Variants in DHRS7B observed in about 807,000 individuals in gnomAD.
The protein encoded by DHRS7B is dehydrogenase/reductase 7B, also known as peroxisomal reductase activating PPAR-gamma.
In DHRS7B, 24 loss-of-function variants were observed where a neutral mutation model predicts 26.4. The observed-to-expected ratio is 0.91, with a 90% CI of 0.66 to 1.28. The LOEUF (loss-of-function observed/expected upper bound fraction) is 1.28. DHRS7B is among the 50% of genes most tolerant of loss of function. The probability of loss-of-function intolerance (pLI) is 0.00; values close to 1 mark genes in which losing one functional copy is unlikely to be tolerated. For missense variants in DHRS7B, 368 were observed against 419.4 expected (o/e 0.88, Z 1.07); for synonymous variants, 142 against 166.4 (o/e 0.85, Z 1.13).
At chr17:21,181,122 G>A (rs558647090) in intron 3 of DHRS7B, among the ~76,000 whole-genome samples, 2 of 152,146 alleles carry the variant, frequency 1.3e-5, no homozygotes, top group South Asian at 2.1e-4. Flanking sequence ...AGTCTTGCTC[G>A]GTCATCTAGG....
At position 21,137,460 on chromosome 17, in the gene DHRS7B, AT is replaced by A. The variant is rs996135932; in HGVS notation, c.20+10483del. ...AGGCACCTGCCACCACGCCTGGCTA[AT>A]TTTTTTTTTTTTTGAGATGAAGTTT... On this transcript the variant is annotated intron_variant, in intron 1 of 6. Coordinates refer to ENST00000395511, the MANE Select transcript of DHRS7B (RefSeq NM_015510.5). 4.9e-3 allele frequency among the ~76,000 whole-genome samples: 646 copies of A among 132,674 alleles called. 2 individuals are homozygous for A. Among genetic ancestry groups the A allele is most frequent in the African/African-American group, 8.8e-3 (319 of 36,054 alleles). The allele number at this position is 132,674 out of a possible 152,430, so 87.0% of individuals were successfully genotyped here.
intron 1 of DHRS7B, among the ~76,000 whole-genome samples, chr17:21,145,495 A>T (rs1161395051): frequency 2.0e-5 from 3 of 152,182 alleles, no homozygotes; most frequent in Non-Finnish European, 4.4e-5. Context: ...TACTGTGTAG[A>T]AGCATCTCAA....
At chr17:21,150,105 TAAAA>T (rs61516968) in intron 1 of DHRS7B, among the ~76,000 whole-genome samples, 3 of 50,068 alleles carry the variant, frequency 6.0e-5, no homozygotes, top group African/African-American at 2.3e-4. Flanking sequence ...CATCTCTATT[TAAAA>T]AAAAAAAAAA....
At chr17:21,175,203 A>G (rs2144151463) in intron 2 of DHRS7B, among the ~76,000 whole-genome samples, 1 of 152,366 alleles carries the variant, frequency 6.6e-6, no homozygotes, top group South Asian at 2.1e-4. Flanking sequence ...GACAGACGTC[A>G]GGGAGCCTTC....
At chr17:21,156,059 AAAG>A (rs1973872210) in intron 1 of DHRS7B, among the ~76,000 whole-genome samples, 1 of 152,212 alleles carries the variant, frequency 6.6e-6, no homozygotes, top group East Asian at 1.9e-4. Flanking sequence ...GCAACTAGAA[AAAG>A]AAGAGAAAAT....
intron 1 of DHRS7B, chr17:21,166,129 C>T (rs1292806045): frequency 2.0e-6 from 2 of 985,120 alleles, no homozygotes; most frequent in Non-Finnish European, 1.2e-6. Context: ...TTTCTCCGCC[C>T]CCCCTCACAG....
chr17:21,139,463 C>T (rs1467983816), intron 1 of DHRS7B, among the ~76,000 whole-genome samples: 3 of 152,102 alleles, frequency 2.0e-5, no homozygotes, highest in African/African-American at 7.2e-5. Context: ...ATCACAAGGT[C>T]AGGAGTTTGA....
At chr17:21,181,023 G>A (rs1974504781) in intron 3 of DHRS7B, among the ~76,000 whole-genome samples, 1 of 152,208 alleles carries the variant, frequency 6.6e-6, no homozygotes, top group Admixed American at 6.5e-5. Context: ...TTATTGCCAA[G>A]TGTTTGTCTT....
chr17:21,168,945 A>C (rs1196969637), intron 1 of DHRS7B: 1 of 982,042 alleles, frequency 1.0e-6, no homozygotes, highest in Admixed American at 6.2e-5. Flanking sequence ...CTTGAGTTTT[A>C]ATTAGGTTGC....
At chr17:21,160,878 C>T (rs1973985038) in intron 1 of DHRS7B, among the ~76,000 whole-genome samples, 1 of 151,232 alleles carries the variant, frequency 6.6e-6, no homozygotes, top group South Asian at 2.1e-4. Flanking sequence ...TTATTCAGTA[C>T]TAAAAAAAAA....
chr17:21,169,800 G>A (rs182871675), intron 1 of DHRS7B, among the ~76,000 whole-genome samples: 72 of 152,164 alleles, frequency 4.7e-4, no homozygotes, highest in African/African-American at 1.6e-3. Context: ...CACCCAACAC[G>A]CCTAGTGGGG....
chr17:21,171,921 G>A (rs1974256972), intron 1 of DHRS7B, 97 bp from the exon 2 acceptor site: 2 of 1,452,102 alleles, frequency 1.4e-6, no homozygotes, highest in Non-Finnish European at 1.9e-6. Context: ...TCCACAGAGG[G>A]AGATCTGGGA....
chr17:21,134,044 AC>A (rs1567614835), intron 1 of DHRS7B, among the ~76,000 whole-genome samples: 1 of 152,250 alleles, frequency 6.6e-6, no homozygotes, highest in African/African-American at 2.4e-5. Context: ...AAGGAAAAAA[AC>A]TGAAAACATT....
intron 1 of DHRS7B, among the ~76,000 whole-genome samples, chr17:21,138,183 C>T (rs1288871828): frequency 2.6e-4 from 35 of 135,714 alleles, no homozygotes; most frequent in African/African-American, 4.3e-4. Context: ...TGGACTTTCT[C>T]ATTTGTCTTG....
intron 5 of DHRS7B, among the ~76,000 whole-genome samples, chr17:21,186,025 T>C (rs1404371133): frequency 6.6e-6 from 1 of 152,230 alleles, no homozygotes; most frequent in African/African-American, 2.4e-5. Flanking sequence ...AGTTTTACTT[T>C]GATTTATAAT....
chr17:21,184,319 G>A (rs1411868353), intron 4 of DHRS7B, 52 bp from the exon 5 acceptor site: 3 of 1,503,966 alleles, frequency 2.0e-6, no homozygotes, highest in Admixed American at 1.9e-5. Flanking sequence ...TCAGCATCGG[G>A]TGCAATGACT....
At chr17:21,166,048 C>G (rs893882784) in intron 1 of DHRS7B, 8 of 596,670 alleles carry the variant, frequency 1.3e-5, no homozygotes, top group Non-Finnish European at 1.7e-5. Flanking sequence ...GGCGCGGGCT[C>G]TGCCTCCTGT....
At position 21,134,202 on chromosome 17, in the gene DHRS7B, A is replaced by C. The variant is rs77544687; in HGVS notation, c.20+7211A>C. Among the ~76,000 whole-genome samples, 381 of 152,352 alleles carry C rather than the reference A, an allele frequency of 2.5e-3. 13 individuals carry two copies. In the East Asian group the frequency reaches 0.064, roughly 26 times the overall value. On this transcript the variant is annotated intron_variant, in intron 1 of 6. Transcript: ENST00000395511. ...ATAATTTTTCTCTCTCTGGTTTCCC[A>C]ATTTTGCCAAAGACAAGTCACGCTA...
intron 1 of DHRS7B, among the ~76,000 whole-genome samples, chr17:21,163,878 G>A (rs894752561): frequency 2.0e-5 from 3 of 151,886 alleles, no homozygotes; most frequent in Non-Finnish European, 2.9e-5. Flanking sequence ...TGGTAGAGAC[G>A]GGGTTTTACC....
Sources: gnomAD v4.1 joint callset for allele counts (sites outside exome capture counted in the v4.1 genomes callset) on GRCh38, gnomAD v4.1.1 for gene constraint, MANE v1.5 for transcripts, NCBI Gene and HGNC (gene_info 2026-07-23, HGNC 2026-07-21) for gene names.